The following FBN1 variants were observed in gnomAD, a reference collection of about 807,000 sequenced individuals.
The protein encoded by FBN1 is fibrillin-1.
Under a neutral mutation model 365.1 loss-of-function variants are expected in FBN1, and 29 were observed. The observed-to-expected ratio is 0.08, with a 90% CI of 0.06 to 0.11. The LOEUF (loss-of-function observed/expected upper bound fraction) is 0.11, where lower values mean the gene tolerates loss of function less well. FBN1 is among the 10% of genes least tolerant of loss of function. The pLI is 1.00. For missense variants in FBN1, 2,476 were observed against 3,703.2 expected (o/e 0.67, Z 8.60); for synonymous variants, 1,210 against 1,270.5 (o/e 0.95, Z 1.01).
chr15:48,628,075 G>A (rs1039124429), intron 2 of FBN1, among the ~76,000 whole-genome samples: 2 of 152,140 alleles, frequency 1.3e-5, no homozygotes, highest in African/African-American at 4.8e-5. Flanking sequence ...GAATACATGA[G>A]GCCTTAGAGA....
At chr15:48,626,123 G>A (rs1889871465) in intron 2 of FBN1, among the ~76,000 whole-genome samples, 1 of 151,926 alleles carries the variant, frequency 6.6e-6, no homozygotes, top group South Asian at 2.1e-4. Flanking sequence ...CAAGATGGTG[G>A]CATGCACCTG....
At chr15:48,626,668 T>C (rs1243897706) in intron 2 of FBN1, among the ~76,000 whole-genome samples, 1 of 152,228 alleles carries the variant, frequency 6.6e-6, no homozygotes, top group Non-Finnish European at 1.5e-5. Flanking sequence ...ATTATTTCAT[T>C]GAAATTAACA....
chr15:48,483,631 A>T (rs747678505), intron 31 of FBN1, among the ~76,000 whole-genome samples, 187 bp downstream of exon 31: 2 of 152,238 alleles, frequency 1.3e-5, no homozygotes, highest in African/African-American at 4.8e-5. Context: ...ATATCTGACA[A>T]GAGTACCATT....
At chr15:48,458,186 T>G (rs887768760) in intron 43 of FBN1, among the ~76,000 whole-genome samples, 2 of 152,202 alleles carry the variant, frequency 1.3e-5, no homozygotes, top group Non-Finnish European at 2.9e-5. Flanking sequence ...AGGTACATAC[T>G]TTGCTTGCAT....
Position 48,644,964 on chromosome 15 carries a change from A to G in FBN1, c.-181-14T>C, listed in dbSNP as rs1890270032. On this transcript the variant is annotated splice_polypyrimidine_tract_variant and intron_variant, in intron 1 of 65. Transcript: ENST00000316623. Reference sequence around the variant, plus strand: ...GGCCCCTGCCAGCTGCAACACAGAGACAAATCCCCGAGGCGGGGAGACTTT... The same window carrying G: ...GGCCCCTGCCAGCTGCAACACAGAGGCAAATCCCCGAGGCGGGGAGACTTT... 2 of 409,948 alleles carry G rather than the reference A, an allele frequency of 4.9e-6. No homozygotes were observed. The highest frequency in any genetic ancestry group is 1.8e-4 in the South Asian group (2 of 11,318). 25.4% of individuals were successfully genotyped at this position (409,948 alleles called of 1,614,324 possible). A position where few individuals can be genotyped will look rare whatever the true frequency, so the allele number is the denominator to read the frequency against.
Position 48,559,378 on chromosome 15 carries a change from T to A in FBN1, c.539-21570A>T, listed in dbSNP as rs554811151. Among the ~76,000 whole-genome samples, 6 of 152,226 alleles carry A rather than the reference T, an allele frequency of 3.9e-5. No individual in the cohort carries two copies. The South Asian group carries it at 1.2e-3, about 32-fold the overall frequency. ...CATCAGCAGAGAGCTCTCCAGGAAG[T>A]CTGGCGGGTGGAGGCTGGATTCCCC... On this transcript the variant is annotated intron_variant, in intron 6 of 65. Transcript: ENST00000316623.
chr15:48,466,237 C>T (rs1394436775), intron 38 of FBN1, among the ~76,000 whole-genome samples: 1 of 152,200 alleles, frequency 6.6e-6, no homozygotes, highest in African/African-American at 2.4e-5. Flanking sequence ...CTGGGAACTA[C>T]AGCTTCCCTT....
intron 36 of FBN1, among the ~76,000 whole-genome samples, chr15:48,469,967 G>A (rs150198415): frequency 4.6e-3 from 693 of 152,138 alleles, no homozygotes; most frequent in African/African-American, 0.015. Context: ...GATTTTTTCC[G>A]GAAATTTGAA....
intron 44 of FBN1, among the ~76,000 whole-genome samples, chr15:48,455,847 T>A (rs2043234129): frequency 1.3e-5 from 2 of 152,290 alleles, no homozygotes; most frequent in South Asian, 2.1e-4. Context: ...GTTTTTTTTT[T>A]AACATTAAAA....
chr15:48,644,435 G>A (rs999595484), intron 2 of FBN1, 171 bp downstream of exon 2: 2 of 843,436 alleles, frequency 2.4e-6, no homozygotes, highest in Non-Finnish European at 3.8e-6. Flanking sequence ...TGGGAGTAGG[G>A]GCAAGGTAGT....
At chr15:48,555,425 C>A (rs1487991859) in intron 6 of FBN1, among the ~76,000 whole-genome samples, 3 of 152,188 alleles carry the variant, frequency 2.0e-5, no homozygotes, top group African/African-American at 7.2e-5. Context: ...CGCCCTTGAC[C>A]CTGCCTTTAA....
intron 6 of FBN1, among the ~76,000 whole-genome samples, chr15:48,546,291 T>C (rs182729942): frequency 5.8e-4 from 88 of 152,350 alleles, no homozygotes; most frequent in Non-Finnish European, 1.2e-3. Flanking sequence ...GTAATTTAGT[T>C]ACAAATGAAA....
intron 6 of FBN1, among the ~76,000 whole-genome samples, chr15:48,542,781 A>ATGTGTGTG (rs58728910): frequency 0.062 from 8,034 of 130,414 alleles, 346 homozygotes; most frequent in African/African-American, 0.11. Flanking sequence ...GGACTCTAAG[A>ATGTGTGTG]TGTGTGTGTG....
chr15:48,524,568 CAG>C (rs1191169775), intron 9 of FBN1, among the ~76,000 whole-genome samples: 1 of 152,098 alleles, frequency 6.6e-6, no homozygotes, highest in Non-Finnish European at 1.5e-5. Flanking sequence ...ATGGGCACAA[CAG>C]AGTTGCAAAG....
rs933378359 is a variant in FBN1, at chr15:48,410,833, G to T, written c.*157C>A. 4 of 739,354 alleles carry T rather than the reference G, an allele frequency of 5.4e-6. No homozygotes were observed. In the South Asian group the frequency reaches 7.6e-5, roughly 14 times the overall value. The allele number at this position is 739,354 out of a possible 1,614,324, so 45.8% of individuals were successfully genotyped here. ...TTGTTTTGAACTAGGGTAGTCACCT[G>T]TACCTTGCTTTGGTAATACAAAGAA... On this transcript the variant is annotated 3_prime_UTR_variant, in exon 66 of 66. Transcript: ENST00000316623.
intron 7 of FBN1, among the ~76,000 whole-genome samples, chr15:48,537,389 G>C (rs2044021700): frequency 6.6e-6 from 1 of 152,168 alleles, no homozygotes; most frequent in South Asian, 2.1e-4. Flanking sequence ...AACACCTCTG[G>C]GGTCAGAAAG....
intron 38 of FBN1, among the ~76,000 whole-genome samples, chr15:48,467,487 G>A (rs994339274): frequency 1.3e-5 from 2 of 152,158 alleles, no homozygotes; most frequent in Non-Finnish European, 2.9e-5. Context: ...ACAATCATAT[G>A]CTAAAGCCTT....
At chr15:48,623,968 A>AAC (rs145521473) in intron 2 of FBN1, among the ~76,000 whole-genome samples, 93,994 of 146,302 alleles carry the variant, frequency 0.64, 33,038 homozygotes, top group Non-Finnish European at 0.8. Context: ...CAAAGACACA[A>AAC]ACACACACAC....
intron 6 of FBN1, among the ~76,000 whole-genome samples, chr15:48,550,502 A>G (rs2044133176): frequency 6.6e-6 from 1 of 152,072 alleles, no homozygotes; most frequent in South Asian, 2.1e-4. Flanking sequence ...CTGAAATTCA[A>G]TTGCTACTGC....
Sources: allele counts gnomAD v4.1 joint callset (sites outside exome capture counted in the v4.1 genomes callset), GRCh38; gene constraint gnomAD v4.1.1; transcripts MANE v1.5; gene names NCBI Gene and HGNC (gene_info 2026-07-23, HGNC 2026-07-21).